Variants in DNAJC16 observed in about 807,000 individuals in gnomAD.
DNAJC16 encodes the protein dnaJ homolog subfamily C member 16.
In DNAJC16, 76 loss-of-function variants were observed where a neutral mutation model predicts 92.7. The observed-to-expected ratio is 0.82, with a 90% CI of 0.68 to 0.99. The LOEUF (loss-of-function observed/expected upper bound fraction) is 0.99. Among genes scored for constraint, DNAJC16 ranks in the 50% least tolerant of loss-of-function variants. The pLI, the probability that DNAJC16 is intolerant of heterozygous loss-of-function variation, is 0.00. For synonymous variants in DNAJC16, 328 were observed against 358.7 expected (o/e 0.91, Z 0.97); for missense variants, 869 against 942.4 (o/e 0.92, Z 1.02).
chr1:15,561,846 AAAC>A (rs141424637), intron 8 of DNAJC16, among the ~76,000 whole-genome samples: 8,211 of 152,036 alleles, frequency 0.054, 278 homozygotes, highest in Non-Finnish European at 0.082. Context: ...TGGGCAATAT[AAAC>A]AAAACTATAT....
intron 7 of DNAJC16, among the ~76,000 whole-genome samples, chr1:15,549,389 G>GGGT: frequency 6.6e-6 from 1 of 152,288 alleles, no homozygotes; most frequent in East Asian, 1.9e-4. Flanking sequence ...TTGAAGTCCT[G>GGGT]AGTAGGGTAA....
intron 6 of DNAJC16, among the ~76,000 whole-genome samples, chr1:15,547,799 C>T (rs905277134): frequency 6.6e-6 from 1 of 152,040 alleles, no homozygotes; most frequent in Non-Finnish European, 1.5e-5. Flanking sequence ...TATAACCCAC[C>T]CAAGTTCTCA....
chr1:15,535,596 A>G (rs1311648357), intron 3 of DNAJC16, among the ~76,000 whole-genome samples: 1 of 152,038 alleles, frequency 6.6e-6, no homozygotes, highest in Non-Finnish European at 1.5e-5. Context: ...TTAGCCAGGC[A>G]TGGTGGCATG....
intron 8 of DNAJC16, among the ~76,000 whole-genome samples, chr1:15,561,059 A>G (rs1638678756): frequency 6.7e-6 from 1 of 149,698 alleles, no homozygotes; most frequent in Non-Finnish European, 1.5e-5. Context: ...AACCTGTCTG[A>G]TGGAGCCTGG....
chr1:15,534,558 C>T (rs1222084060), intron 3 of DNAJC16, among the ~76,000 whole-genome samples: 1 of 151,922 alleles, frequency 6.6e-6, no homozygotes, highest in African/African-American at 2.4e-5. Context: ...CCTGTCTTTA[C>T]TAAAAATACA....
At chr1:15,539,889 G>A (rs1295697264) in intron 4 of DNAJC16, among the ~76,000 whole-genome samples, 5 of 151,876 alleles carry the variant, frequency 3.3e-5, no homozygotes, top group African/African-American at 9.7e-5. Flanking sequence ...TTAGCCAGGC[G>A]TGGTGGTGCG....
chr1:15,538,106 A>T (rs1710836245), intron 4 of DNAJC16, among the ~76,000 whole-genome samples: 1 of 152,126 alleles, frequency 6.6e-6, no homozygotes, highest in Non-Finnish European at 1.5e-5. Flanking sequence ...CCTGTTTAAA[A>T]AGAGAGACTG....
At chr1:15,556,513 C>A (rs528563713) in intron 7 of DNAJC16, among the ~76,000 whole-genome samples, 1 of 152,198 alleles carries the variant, frequency 6.6e-6, no homozygotes, top group Non-Finnish European at 1.5e-5. Context: ...CGTGAGCCAC[C>A]GCGCCCAGCC....
In DNAJC16 at chr1:15,568,587, C is replaced by G; in HGVS notation, c.*410C>G. 1 of 408,244 alleles carries G rather than the reference C, an allele frequency of 2.4e-6. No individual in the cohort carries two copies. The highest frequency in any genetic ancestry group is 4.3e-6 in the Non-Finnish European group (1 of 231,534). The allele number at this position is 408,244 out of a possible 1,614,324, so 25.3% of individuals were successfully genotyped here. ...GCAGGCCAGGTCATTGGCCCCTTCC[C>G]CAATCCCGGCCCTGCTGTGCTGCTG... On this transcript the variant is annotated 3_prime_UTR_variant, in exon 15 of 15. Coordinates refer to ENST00000375847, the MANE Select transcript of DNAJC16 (RefSeq NM_015291.4).
In DNAJC16 at chr1:15,566,105, C is replaced by T. The variant is rs1638799944; in HGVS notation, c.1703C>T (p.Ser568Leu). 6.2e-7 allele frequency: 1 copy of T among 1,613,980 alleles called. No individual in the cohort carries two copies. The highest frequency in any genetic ancestry group is 8.5e-7 in the Non-Finnish European group (1 of 1,180,000). ...AGCGACTCTAATGATGAGCGAGAGT[C>T]AAGCCCTCCAGAAAAAGAGGAAGCC... ...AFSDSNDERESSPPEKEEAQE... is the reference protein window; with the variant it reads ...AFSDSNDERELSPPEKEEAQE... Residue 568 changes from serine (S) to leucine (L), a missense_variant, in exon 13 of 15, where the codon TCA becomes TTA. Ser to Leu is a moderately radical substitution (Grantham distance 145). Coordinates refer to ENST00000375847, the MANE Select transcript of DNAJC16 (RefSeq NM_015291.4).
Position 15,567,891 on chromosome 1 carries a change from A to G in DNAJC16, c.2063A>G (p.His688Arg). Residue 688 changes from histidine (H) to arginine (R), a missense_variant, in exon 15 of 15, where the codon CAT becomes CGT. His to Arg is a conservative substitution (Grantham distance 29). Coordinates refer to ENST00000375847, the MANE Select transcript of DNAJC16 (RefSeq NM_015291.4). ...AAPIPNQYDKHFMERDYTGYV... is the reference protein window; with the variant it reads ...AAPIPNQYDKRFMERDYTGYV... ...CCAATCCCAAACCAATATGATAAGC[A>G]TTTCATGGAGCGTGACTACACTGGT... 2 of 1,614,218 alleles carry G rather than the reference A, an allele frequency of 1.2e-6. No individual in the cohort carries two copies. The highest frequency in any genetic ancestry group is 1.1e-5 in the South Asian group (1 of 91,088).
intron 4 of DNAJC16, among the ~76,000 whole-genome samples, chr1:15,539,243 A>T (rs915245191): frequency 3.2e-4 from 47 of 148,322 alleles, no homozygotes; most frequent in African/African-American, 4.4e-4. Context: ...TTTTTATTTT[A>T]TTTTTTTTTT....
In DNAJC16 at chr1:15,562,328, A is replaced by T. The variant is rs774933755; in HGVS notation, c.1338+3A>T. The T allele has an allele frequency of 1.2e-6, 2 of 1,612,052 alleles. No individual in the cohort carries two copies. The highest frequency in any genetic ancestry group is 1.7e-4 in the Middle Eastern group (1 of 6,056). ...AGGCGTTTCAAGGGAAATCAGCGGT[A>T]AGCCACAGAGTCTCTCCTCATCCCA... On this transcript the variant is annotated splice_donor_region_variant and intron_variant, in intron 9 of 14. Transcript: ENST00000375847.
intron 1 of DNAJC16, among the ~76,000 whole-genome samples, chr1:15,528,156 G>GGC (rs1710564701): frequency 6.6e-6 from 1 of 152,168 alleles, no homozygotes; most frequent in Non-Finnish European, 1.5e-5. Context: ...CATATTGGCC[G>GGC]GCGCGATGGC....
At chr1:15,529,066 A>G in intron 1 of DNAJC16, 22 bp from the exon 2 acceptor site, 3 of 1,606,440 alleles carry the variant, frequency 1.9e-6, no homozygotes, top group East Asian at 2.2e-5. Flanking sequence ...ACTGAAACTC[A>G]TTGCCTCTTC....
At chr1:15,546,253 G>A (rs1182846386) in intron 5 of DNAJC16, among the ~76,000 whole-genome samples, 1 of 152,142 alleles carries the variant, frequency 6.6e-6, no homozygotes, top group East Asian at 1.9e-4. Context: ...GGTTGAGGGT[G>A]CAATGAGCCA....
chr1:15,545,751 G>C (rs549183236), intron 5 of DNAJC16, among the ~76,000 whole-genome samples: 1 of 152,212 alleles, frequency 6.6e-6, no homozygotes, highest in Non-Finnish European at 1.5e-5. Context: ...CCCACATGGA[G>C]CCGTTGTAGG....
At chr1:15,543,206 G>A (rs1445921092) in intron 4 of DNAJC16, among the ~76,000 whole-genome samples, 1 of 152,212 alleles carries the variant, frequency 6.6e-6, no homozygotes, top group South Asian at 2.1e-4. Flanking sequence ...TACCTTAGAA[G>A]ATGGTAAACG....
Position 15,568,938 on chromosome 1 carries a change from G to A in DNAJC16, c.*761G>A, listed in dbSNP as rs41303879. ...TAGCCAGGGGAGGGGTCTGCACAGC[G>A]AGAAGTACTGTGATGACTTTGAGCC... On this transcript the variant is annotated 3_prime_UTR_variant, in exon 15 of 15. Coordinates refer to ENST00000375847, the MANE Select transcript of DNAJC16 (RefSeq NM_015291.4). 6.5e-3 allele frequency: 2,467 copies of A among 379,236 alleles called. 9 individuals are homozygous for A. Among genetic ancestry groups the A allele is most frequent in the Non-Finnish European group, 9.6e-3 (2,055 of 213,636 alleles). 23.5% of individuals were successfully genotyped at this position (379,236 alleles called of 1,614,324 possible). A position where few individuals can be genotyped will look rare whatever the true frequency, so the allele number is the denominator to read the frequency against.
Sources: gnomAD v4.1 joint callset for allele counts (sites outside exome capture counted in the v4.1 genomes callset) on GRCh38, gnomAD v4.1.1 for gene constraint, MANE v1.5 for transcripts, NCBI Gene and HGNC (gene_info 2026-07-23, HGNC 2026-07-21) for gene names.